The following CCDC47 variants were observed in gnomAD, a reference collection of about 807,000 sequenced individuals.
The protein encoded by CCDC47 is PAT complex subunit CCDC47.
Under a neutral mutation model 60.5 loss-of-function variants are expected in CCDC47, and 41 were observed. The ratio of observed to expected loss-of-function variants is 0.68; its 90% confidence interval spans 0.53 to 0.88. The LOEUF is 0.88. CCDC47 is among the 40% of genes least tolerant of loss of function. CCDC47 has a pLI of 0.00. For missense variants in CCDC47, 513 were observed against 580.9 expected (o/e 0.88, Z 1.20); for synonymous variants, 195 against 190.7 (o/e 1.02, Z -0.18).
chr17:63,762,290 T>A (rs903384428), intron 4 of CCDC47: 40 of 975,246 alleles, frequency 4.1e-5, no homozygotes, highest in Non-Finnish European at 4.6e-5. Context: ...AAGCTGCTCA[T>A]TTATTTTTTT....
At chr17:63,759,673 A>G (rs1346455998) in intron 6 of CCDC47, among the ~76,000 whole-genome samples, 1 of 149,070 alleles carries the variant, frequency 6.7e-6, no homozygotes, top group Non-Finnish European at 1.5e-5. Flanking sequence ...ACTTTCACAT[A>G]TATACATATC....
intron 1 of CCDC47, among the ~76,000 whole-genome samples, chr17:63,769,595 A>G (rs1479548400): frequency 6.8e-6 from 1 of 147,798 alleles, no homozygotes; most frequent in East Asian, 2.0e-4. Context: ...CCTGGGCAAC[A>G]AGAGTGAAAC....
At position 63,752,337 on chromosome 17, in the gene CCDC47, A is replaced by G. The variant is rs756021096; in HGVS notation, c.1186T>C (p.Phe396Leu). ...GGTCTTACTTCTCTGTTGAGTCGGAACTTTTTGGCTTTATCAATAGAATAA... is the reference window on the plus strand; with the variant it reads ...GGTCTTACTTCTCTGTTGAGTCGGAGCTTTTTGGCTTTATCAATAGAATAA... ...VIYSIDKAKK[F>L]RLNREGKQKA... is the part of the protein sequence containing the mutation. Residue 396 changes from phenylalanine to leucine, a missense_variant, in exon 11 of 13, where the codon TTC becomes CTC. Coordinates refer to ENST00000225726, the MANE Select transcript of CCDC47 (RefSeq NM_020198.3). 1 of 1,612,984 alleles carries G rather than the reference A, an allele frequency of 6.2e-7. No homozygotes were observed. The highest frequency in any genetic ancestry group is 8.5e-7 in the Non-Finnish European group (1 of 1,179,106).
chr17:63,761,304 G>C lies in CCDC47; in HGVS notation c.595C>G (p.Gln199Glu), dbSNP rs1439272329. The change falls in exon 5 of 13, where the codon CAG becomes GAG. Residue 199 changes from glutamine to glutamate, a missense_variant. Transcript: ENST00000225726. ...AGGTTATAGATGTGCTCATTCTCCT[G>C]GTTCAACTTTCCTGTGCTTGTGGCT... is the stretch of plus-strand genomic sequence containing the variant. ...KEATSTGKLN[Q>E]ENEHIYNLWC... is the part of the protein sequence containing the mutation. 6.2e-7 allele frequency: 1 copy of C among 1,613,968 alleles called. No individual in the cohort carries two copies. The highest frequency in any genetic ancestry group is 1.1e-5 in the South Asian group (1 of 91,076).
In CCDC47 at chr17:63,746,973, AGG is replaced by A; in HGVS notation, c.1372-14_1372-13del. On this transcript the variant is annotated splice_polypyrimidine_tract_variant and intron_variant, in intron 12 of 12. Transcript: ENST00000225726. ...CTCAATGCAGCCTCCTAGAGAAAGA[AGG>A]GGTAATAAATAGAGAAAGGGAGTGG... is the stretch of plus-strand genomic sequence containing the variant. The A allele has an allele frequency of 6.2e-7, 1 of 1,612,878 alleles. No individual in the cohort carries two copies. Among genetic ancestry groups the A allele is most frequent in the Non-Finnish European group, 8.5e-7 (1 of 1,179,254 alleles).
At chr17:63,757,968 G>C (rs530479972) in intron 6 of CCDC47, among the ~76,000 whole-genome samples, 10 of 152,076 alleles carry the variant, frequency 6.6e-5, no homozygotes, top group Non-Finnish European at 1.5e-4. Flanking sequence ...GAAAGAGAGG[G>C]AGGACGAAAT....
chr17:63,758,897 G>C (rs1199470782), intron 6 of CCDC47, among the ~76,000 whole-genome samples: 1 of 152,014 alleles, frequency 6.6e-6, no homozygotes, highest in Non-Finnish European at 1.5e-5. Context: ...AAAAAAAGGG[G>C]CAAATAAAAT....
At chr17:63,764,906 AT>A in intron 2 of CCDC47, 59 bp from the exon 3 acceptor site, 1 of 1,559,948 alleles carries the variant, frequency 6.4e-7, no homozygotes, top group South Asian at 1.2e-5. Context: ...GCTGTGTCTC[AT>A]TTTGTTGGCA....
chr17:63,758,605 G>T (rs1219338976), intron 6 of CCDC47, among the ~76,000 whole-genome samples: 3 of 152,086 alleles, frequency 2.0e-5, no homozygotes, highest in Admixed American at 6.6e-5. Context: ...GAGAATCTGA[G>T]AATTGGCTGT....
At chr17:63,753,195 T>C in intron 9 of CCDC47, 1 of 729,000 alleles carries the variant, frequency 1.4e-6, no homozygotes, top group Non-Finnish European at 1.7e-6. Context: ...CAAGGCATCT[T>C]ATTATCTTAT....
intron 6 of CCDC47, among the ~76,000 whole-genome samples, chr17:63,757,057 G>A (rs76053661): frequency 6.6e-6 from 1 of 151,642 alleles, no homozygotes; most frequent in Admixed American, 6.6e-5. Flanking sequence ...GACCAGACCC[G>A]ATCTCTAAAA....
chr17:63,767,248 G>A (rs1038971154), intron 1 of CCDC47, among the ~76,000 whole-genome samples: 1 of 152,172 alleles, frequency 6.6e-6, no homozygotes, highest in Non-Finnish European at 1.5e-5. Flanking sequence ...TACTTGCTTA[G>A]AAGCAGTAAT....
rs1261743571 is a variant in CCDC47 at position 63,764,092 on chromosome 17, C to T, written c.471G>A (p.Lys157=). Residue 157 remains lysine (K), a synonymous_variant, in exon 4 of 13, where the codon AAG becomes AAA. Transcript: ENST00000225726. ...CCTGTGCAAGGCGACTGTTTTTATT[C>T]TTCCCAATGATGTAATTCATGATAT... ...LAYIMNYIIG[K]NKNSRLAQAW... is the part of the protein sequence containing the mutation. 1.2e-6 allele frequency: 2 copies of T among 1,613,150 alleles called. No individual in the cohort carries two copies. Among genetic ancestry groups the T allele is most frequent in the Non-Finnish European group, 1.7e-6 (2 of 1,179,796 alleles).
At chr17:63,756,677 C>T in intron 6 of CCDC47, 107 bp from the exon 7 acceptor site, 1 of 704,208 alleles carries the variant, frequency 1.4e-6, no homozygotes, top group Non-Finnish European at 2.4e-6. Flanking sequence ...ATATACTCTC[C>T]CTTTAAGTGA....
intron 11 of CCDC47, 82 bp downstream of exon 11, chr17:63,752,238 T>A: frequency 7.1e-7 from 1 of 1,414,176 alleles, no homozygotes; most frequent in Non-Finnish European, 9.9e-7. Flanking sequence ...ATTCAGTCAC[T>A]GAAATCATTG....
At position 63,745,741 on chromosome 17, in the gene CCDC47, G is replaced by A. The variant is rs952226984; in HGVS notation, c.*1140C>T. 1 of 152,122 alleles carries A rather than the reference G, an allele frequency of 6.6e-6. No individual in the cohort carries two copies. Among genetic ancestry groups the A allele is most frequent in the African/African-American group, 2.4e-5 (1 of 41,422 alleles). 9.4% of individuals were successfully genotyped at this position (152,122 alleles called of 1,614,324 possible). A position where few individuals can be genotyped will look rare whatever the true frequency, so the allele number is the denominator to read the frequency against. ...CCCCGGCAAAAATTACCTGGTACAA[G>A]CAATGACCTAAAAATGCTTTCTTGG... On this transcript the variant is annotated 3_prime_UTR_variant, in exon 13 of 13. Coordinates refer to ENST00000225726, the MANE Select transcript of CCDC47 (RefSeq NM_020198.3).
At chr17:63,759,413 C>T (rs2039232037) in intron 6 of CCDC47, among the ~76,000 whole-genome samples, 1 of 143,180 alleles carries the variant, frequency 7.0e-6, no homozygotes, top group Admixed American at 7.2e-5. Flanking sequence ...CGCTTGAACC[C>T]TGGAGGCGGA....
Position 63,761,254 on chromosome 17 carries a change from A to G in CCDC47, c.645T>C (p.Cys215=). 6.2e-7 allele frequency: 1 copy of G among 1,614,130 alleles called. No homozygotes were observed. Among genetic ancestry groups the G allele is most frequent in the East Asian group, 2.2e-5 (1 of 44,888 alleles). The change falls in exon 5 of 13, where the codon TGT becomes TGC. Residue 215 remains cysteine, a synonymous_variant. Transcript: ENST00000225726. ...CCCTCAGCTGGATAAGCATGCCCTC[A>G]CAGCACACTCGACCAGAACACCACA... The part of the protein sequence containing the change: ...YNLWCSGRVC[C]EGMLIQLRFL...
At chr17:63,756,838 G>C (rs1205997701) in intron 6 of CCDC47, among the ~76,000 whole-genome samples, 2 of 152,162 alleles carry the variant, frequency 1.3e-5, no homozygotes, top group Non-Finnish European at 2.9e-5. Context: ...AGGGACTATA[G>C]CCCTACTTGA....
Sources: gnomAD v4.1 joint callset for allele counts (sites outside exome capture counted in the v4.1 genomes callset) on GRCh38, gnomAD v4.1.1 for gene constraint, MANE v1.5 for transcripts, NCBI Gene and HGNC (gene_info 2026-07-23, HGNC 2026-07-21) for gene names.